The following LRP1B variants were observed in gnomAD, a reference collection of about 807,000 sequenced individuals.
LRP1B encodes low-density lipoprotein receptor-related protein 1B.
A neutral mutation model predicts 556.6 loss-of-function variants in LRP1B; 217 were observed. The observed-to-expected ratio is 0.39, with a 90% CI of 0.35 to 0.44. The LOEUF (loss-of-function observed/expected upper bound fraction) is 0.44, where lower values mean the gene tolerates loss of function less well. LRP1B is among the 20% of genes least tolerant of loss of function. The probability of loss-of-function intolerance (pLI) is 1.00; values close to 1 mark genes in which losing one functional copy is unlikely to be tolerated. For synonymous variants in LRP1B, 2,047 were observed against 1,865.8 expected (o/e 1.10, Z -2.50); for missense variants, 5,053 against 5,620.8 (o/e 0.90, Z 3.23).
chr2:141,554,199 A>G (rs546358606), intron 2 of LRP1B, among the ~76,000 whole-genome samples: 1 of 146,200 alleles, frequency 6.8e-6, no homozygotes, highest in Non-Finnish European at 1.5e-5. Context: ...TGGGTTATAT[A>G]TATCTATAGG....
chr2:140,730,580 G>GA (rs1687743825), intron 35 of LRP1B, among the ~76,000 whole-genome samples: 1 of 152,028 alleles, frequency 6.6e-6, no homozygotes, highest in Non-Finnish European at 1.5e-5. Flanking sequence ...TTTGTTTGGA[G>GA]ATGGAGTCTA....
chr2:141,897,210 C>T (rs1444553146), intron 1 of LRP1B, among the ~76,000 whole-genome samples: 2 of 151,818 alleles, frequency 1.3e-5, no homozygotes, highest in Non-Finnish European at 1.5e-5. Context: ...AAAAGACACA[C>T]TGTAAAGGTC....
chr2:140,922,999 A>G lies in LRP1B; in HGVS notation c.3285T>C (p.Cys1095=). The G allele has an allele frequency of 6.2e-7, 1 of 1,612,584 alleles. No homozygotes were observed. ...EKGCNGTIRL[C]DHKTKFSCWS... ...AACAGGAAAACTTGGTTTTGTGGTC[A>G]CACAATCGTATGGTACCATTGCAAC... is the stretch of plus-strand genomic sequence containing the variant. The change falls in exon 21 of 91, where the codon TGT becomes TGC. Residue 1095 remains cysteine, a synonymous_variant. Coordinates refer to ENST00000389484, the MANE Select transcript of LRP1B (RefSeq NM_018557.3).
At position 140,601,574 on chromosome 2, in the gene LRP1B, T is replaced by A. The variant is rs767564814; in HGVS notation, c.6865A>T (p.Thr2289Ser). The A allele has an allele frequency of 1.2e-6, 2 of 1,613,074 alleles. No homozygotes were observed. The highest frequency in any genetic ancestry group is 1.7e-6 in the Non-Finnish European group (2 of 1,179,408). ...GTGTGTCTGGTGATGGATGAGGTGG[T>A]AGAGCTTGTCCAGTACAGTGTATCC... is the stretch of plus-strand genomic sequence containing the variant. The part of the protein sequence containing the change: ...AWDTLYWTSS[T>S]TSSITRHTVD... Residue 2289 changes from threonine to serine, a missense_variant, in exon 42 of 91, where the codon ACC becomes TCC. Thr to Ser is a moderately conservative substitution (Grantham distance 58, BLOSUM62 1). Around this residue, in one of 5 missense-constraint regions of LRP1B, gnomAD observed 3,619 missense variants for 3,931.9 expected, o/e 0.92. Coordinates refer to ENST00000389484, the MANE Select transcript of LRP1B (RefSeq NM_018557.3).
chr2:140,261,747 C>T (rs1681952820), intron 86 of LRP1B, among the ~76,000 whole-genome samples: 1 of 151,776 alleles, frequency 6.6e-6, no homozygotes, highest in South Asian at 2.1e-4. Context: ...CATAGGGTCT[C>T]ATTTTTTAGT....
Position 140,950,196 on chromosome 2 carries a change from T to A in LRP1B, c.3136+39A>T, listed in dbSNP as rs543797472. 6.3e-6 allele frequency: 9 copies of A among 1,437,688 alleles called. No homozygotes were observed. The South Asian group carries it at 1.0e-4, about 16-fold the overall frequency. 89.1% of individuals were successfully genotyped at this position (1,437,688 alleles called of 1,614,324 possible). A position where few individuals can be genotyped will look rare whatever the true frequency, so the allele number is the denominator to read the frequency against. On this transcript the variant is annotated intron_variant, in intron 20 of 90. Coordinates refer to ENST00000389484, the MANE Select transcript of LRP1B (RefSeq NM_018557.3). ...ACCCTAAGTATTATTATGCATCAACTTTTAAAATGAGATTTCATTAATTTA... is the reference window on the plus strand; with the variant it reads ...ACCCTAAGTATTATTATGCATCAACATTTAAAATGAGATTTCATTAATTTA...
chr2:141,732,355 T>G (rs1440973734), intron 2 of LRP1B, among the ~76,000 whole-genome samples: 1 of 75,888 alleles, frequency 1.3e-5, no homozygotes, highest in African/African-American at 3.1e-5. Flanking sequence ...AATAGTTTTT[T>G]TCCATTTTTT....
chr2:140,372,055 G>T (rs951974032), intron 69 of LRP1B, among the ~76,000 whole-genome samples: 11 of 152,094 alleles, frequency 7.2e-5, no homozygotes, highest in African/African-American at 2.6e-4. Context: ...CTTTTTCTAT[G>T]AGCTTGAGTT....
At chr2:140,784,376 C>CCACACACACACA (rs143661527) in intron 32 of LRP1B, among the ~76,000 whole-genome samples, 5,319 of 126,562 alleles carry the variant, frequency 0.042, 160 homozygotes, top group East Asian at 0.096. Context: ...GATTCTGCCT[C>CCACACACACACA]CACACACACA....
intron 2 of LRP1B, among the ~76,000 whole-genome samples, chr2:141,507,626 T>TA (rs1400704397): frequency 3.3e-5 from 5 of 152,166 alleles, no homozygotes; most frequent in Non-Finnish European, 5.9e-5. Context: ...TGGCATACAT[T>TA]AAAGTGCATT....
intron 12 of LRP1B, among the ~76,000 whole-genome samples, chr2:141,016,674 C>A (rs565456689): frequency 6.6e-6 from 1 of 152,160 alleles, no homozygotes; most frequent in African/African-American, 2.4e-5. Context: ...GGGTCTTGAA[C>A]TAATGTTCCA....
At chr2:140,316,619 C>T (rs773863692) in intron 82 of LRP1B, among the ~76,000 whole-genome samples, 13 of 152,018 alleles carry the variant, frequency 8.6e-5, no homozygotes, top group Non-Finnish European at 1.5e-4. Context: ...CTGGTTCTGC[C>T]GCTTACTAGG....
chr2:140,793,760 A>T (rs542757108), intron 32 of LRP1B, among the ~76,000 whole-genome samples: 1 of 152,176 alleles, frequency 6.6e-6, no homozygotes, highest in African/African-American at 2.4e-5. Flanking sequence ...TTACCAAAAT[A>T]TTATGTCATA....
chr2:140,936,112 G>A (rs1177444195), intron 20 of LRP1B, among the ~76,000 whole-genome samples: 3 of 151,516 alleles, frequency 2.0e-5, no homozygotes, highest in Admixed American at 6.6e-5. Flanking sequence ...GGCAGTGATG[G>A]GCAGATCACT....
chr2:141,630,480 T>C (rs759583979), intron 2 of LRP1B, among the ~76,000 whole-genome samples: 1 of 152,232 alleles, frequency 6.6e-6, no homozygotes, highest in Non-Finnish European at 1.5e-5. Context: ...CAGTCTTTCA[T>C]GAAGGTTTTT....
chr2:141,274,381 A>G (rs1305627236), intron 3 of LRP1B, among the ~76,000 whole-genome samples: 1 of 152,222 alleles, frequency 6.6e-6, no homozygotes, highest in Admixed American at 6.5e-5. Flanking sequence ...ATAAAAAAGA[A>G]TAAAGTATGA....
chr2:140,687,311 T>A (rs1460847035), intron 41 of LRP1B, among the ~76,000 whole-genome samples: 2 of 152,160 alleles, frequency 1.3e-5, no homozygotes, highest in Non-Finnish European at 2.9e-5. Flanking sequence ...AGTACAGGAC[T>A]ATACATTGTA....
intron 31 of LRP1B, among the ~76,000 whole-genome samples, chr2:140,830,767 G>T (rs1470252803): frequency 6.6e-6 from 1 of 151,924 alleles, no homozygotes; most frequent in Non-Finnish European, 1.5e-5. Flanking sequence ...AAGGAAGAAG[G>T]CAAATTATTT....
chr2:141,939,921 G>A (rs923308475), intron 1 of LRP1B, among the ~76,000 whole-genome samples: 2 of 152,092 alleles, frequency 1.3e-5, no homozygotes, highest in African/African-American at 2.4e-5. Flanking sequence ...ACAAGCTTAT[G>A]AAAATGATTA....
Sources: allele counts gnomAD v4.1 joint callset (sites outside exome capture counted in the v4.1 genomes callset), GRCh38; gene constraint gnomAD v4.1.1; regional missense constraint gnomAD v4.1.1; transcripts MANE v1.5; gene names NCBI Gene and HGNC (gene_info 2026-07-23, HGNC 2026-07-21).